ASTN2: variants seen among roughly 807,000 people sequenced by gnomAD.
ASTN2 encodes astrotactin 2.
A neutral mutation model predicts 139.8 loss-of-function variants in ASTN2; 54 were observed. The observed-to-expected ratio is 0.39, with a 90% CI of 0.31 to 0.48. The LOEUF (loss-of-function observed/expected upper bound fraction) is 0.48, where lower values mean the gene tolerates loss of function less well. Among genes scored for constraint, ASTN2 ranks in the 20% least tolerant of loss-of-function variants. ASTN2 has a pLI of 0.95. For missense variants in ASTN2, 1,565 were observed against 1,725.1 expected, an observed-to-expected ratio of 0.91 and a Z score of 1.64; for synonymous variants, 756 against 719.5, an observed-to-expected ratio of 1.05 and a Z score of -0.81.
intron 16 of ASTN2, among the ~76,000 whole-genome samples, chr9:116,691,478 C>G (rs1034188931): frequency 1.3e-5 from 2 of 152,066 alleles, no homozygotes; most frequent in Non-Finnish European, 2.9e-5. Context: ...TCCAGGAAAC[C>G]CTATTATTCA....
chr9:116,631,826 C>T (rs1856757912), intron 17 of ASTN2, among the ~76,000 whole-genome samples: 2 of 152,080 alleles, frequency 1.3e-5, no homozygotes, highest in African/African-American at 4.8e-5. Context: ...ATCAAAATAT[C>T]ACATGTAGGC....
chr9:116,758,435 G>T (rs566232221), intron 13 of ASTN2, among the ~76,000 whole-genome samples: 16 of 152,234 alleles, frequency 1.1e-4, no homozygotes, highest in African/African-American at 3.9e-4. Context: ...TGACAGAGGA[G>T]ACAAATTCCC....
chr9:117,016,632 A>AACC (rs1564385912), intron 6 of ASTN2, among the ~76,000 whole-genome samples: 1 of 17,482 alleles, frequency 5.7e-5, no homozygotes, highest in African/African-American at 2.0e-4. Flanking sequence ...ATCTATATAT[A>AACC]TATATATATA....
At chr9:116,979,038 T>A (rs566791976) in intron 7 of ASTN2, among the ~76,000 whole-genome samples, 1 of 152,352 alleles carries the variant, frequency 6.6e-6, no homozygotes, top group Admixed American at 6.5e-5. Context: ...TTATCTCTGA[T>A]GAACTGTAAG....
intron 7 of ASTN2, among the ~76,000 whole-genome samples, chr9:116,994,702 T>C (rs1588466294): frequency 6.6e-6 from 1 of 152,222 alleles, no homozygotes; most frequent in South Asian, 2.1e-4. Flanking sequence ...AGCTACTGGA[T>C]TGGACAGTGG....
intron 10 of ASTN2, among the ~76,000 whole-genome samples, chr9:116,897,044 G>A (rs1447835063): frequency 6.6e-6 from 1 of 152,108 alleles, no homozygotes; most frequent in Non-Finnish European, 1.5e-5. Context: ...CAAGAAATGT[G>A]GCATATTTTT....
At chr9:117,318,820 G>T (rs1467612920) in intron 1 of ASTN2, among the ~76,000 whole-genome samples, 1 of 152,156 alleles carries the variant, frequency 6.6e-6, no homozygotes, top group Admixed American at 6.5e-5. Context: ...CCTTGCAAAA[G>T]GCCTGGAGCT....
intron 3 of ASTN2, among the ~76,000 whole-genome samples, chr9:117,146,220 G>T (rs1830192059): frequency 1.3e-5 from 2 of 152,116 alleles, no homozygotes; most frequent in South Asian, 4.1e-4. Context: ...TACCCGCTGA[G>T]CTCTGACTCC....
At chr9:116,718,265 G>A (rs913136376) in intron 16 of ASTN2, among the ~76,000 whole-genome samples, 1 of 152,186 alleles carries the variant, frequency 6.6e-6, no homozygotes, top group Non-Finnish European at 1.5e-5. Flanking sequence ...ATTGCAGCTT[G>A]TTCTAGGACT....
intron 3 of ASTN2, among the ~76,000 whole-genome samples, chr9:117,141,964 G>C (rs1351395459): frequency 1.3e-5 from 2 of 152,162 alleles, no homozygotes; most frequent in Non-Finnish European, 1.5e-5. Flanking sequence ...AGATGAGTAA[G>C]AATTAGTAAA....
intron 10 of ASTN2, among the ~76,000 whole-genome samples, chr9:116,959,417 A>T (rs2132500358): frequency 6.6e-6 from 1 of 152,272 alleles, no homozygotes; most frequent in South Asian, 2.1e-4. Context: ...TGTCACACTG[A>T]GAAGTGTGGG....
At chr9:117,144,739 T>A (rs998393984) in intron 3 of ASTN2, among the ~76,000 whole-genome samples, 2 of 138,138 alleles carry the variant, frequency 1.4e-5, no homozygotes, top group Non-Finnish European at 3.0e-5. Context: ...TGGAGTGCAG[T>A]GGCGTGATCT....
At chr9:116,846,620 A>C (rs949231711) in intron 11 of ASTN2, among the ~76,000 whole-genome samples, 1 of 152,188 alleles carries the variant, frequency 6.6e-6, no homozygotes, top group Non-Finnish European at 1.5e-5. Flanking sequence ...TTCCCATTAG[A>C]GGAGTCCCAC....
At chr9:116,686,113 T>C (rs1026224877) in intron 16 of ASTN2, among the ~76,000 whole-genome samples, 3 of 152,222 alleles carry the variant, frequency 2.0e-5, no homozygotes, top group African/African-American at 7.2e-5. Flanking sequence ...AATCTTGGCT[T>C]ATCTTCATGG....
intron 4 of ASTN2, among the ~76,000 whole-genome samples, chr9:117,110,565 G>C (rs1204141286): frequency 1.3e-5 from 2 of 152,172 alleles, no homozygotes; most frequent in Admixed American, 1.3e-4. Context: ...ATACAGAGGA[G>C]GTTCTGCATA....
In ASTN2 at chr9:117,060,505, GAAAGA is replaced by G. The variant is rs1839251704; in HGVS notation, c.1277-20545_1277-20541del. On this transcript the variant is annotated intron_variant, in intron 5 of 22. Coordinates refer to ENST00000313400, the MANE Select transcript of ASTN2 (RefSeq NM_001365068.1). The stretch of plus-strand genomic sequence containing the variant: ...GGAAGGAATGAAAGAAAGAAAGAAA[GAAAGA>G]AAGGAAGGAAGGAAGGAAGGAAGGA... Among the ~76,000 whole-genome samples, 8 of 89,578 alleles carry G rather than the reference GAAAGA, an allele frequency of 8.9e-5. 2 individuals are homozygous for G. Among genetic ancestry groups the G allele is most frequent in the Admixed American group, 4.9e-4 (4 of 8,152 alleles). The allele number at this position is 89,578 out of a possible 152,430, so 58.8% of individuals were successfully genotyped here.
In ASTN2 at chr9:116,958,869, A is replaced by G. The variant is rs1347588583; in HGVS notation, c.1889+16339T>C. On this transcript the variant is annotated intron_variant, in intron 10 of 22. Coordinates refer to ENST00000313400, the MANE Select transcript of ASTN2 (RefSeq NM_001365068.1). Reference sequence around the variant, plus strand: ...TTCAGTGAGTTTGGACTTATTACAAAGGCAAGGAAACACTATGAAATGGGT... The same window carrying G: ...TTCAGTGAGTTTGGACTTATTACAAGGGCAAGGAAACACTATGAAATGGGT... Among the ~76,000 whole-genome samples, 7 of 152,292 alleles carry G rather than the reference A, an allele frequency of 4.6e-5. No individual in the cohort carries two copies. In the South Asian group the frequency reaches 8.3e-4, roughly 18 times the overall value.
chr9:116,685,470 G>T (rs1362436964), intron 16 of ASTN2, among the ~76,000 whole-genome samples: 2 of 152,142 alleles, frequency 1.3e-5, no homozygotes, highest in Admixed American at 6.5e-5. Flanking sequence ...TCTAGGCAGT[G>T]GGCAAGGTAA....
chr9:116,860,853 A>G (rs1443657122), intron 11 of ASTN2, among the ~76,000 whole-genome samples: 1 of 152,240 alleles, frequency 6.6e-6, no homozygotes, highest in Non-Finnish European at 1.5e-5. Flanking sequence ...TTCTAAAAAT[A>G]TAAGGAATTA....
Sources: allele counts gnomAD v4.1 joint callset (sites outside exome capture counted in the v4.1 genomes callset), GRCh38; gene constraint gnomAD v4.1.1; transcripts MANE v1.5; gene names NCBI Gene and HGNC (gene_info 2026-07-23, HGNC 2026-07-21).